The following CNOT1 variants were observed in gnomAD, a reference collection of about 807,000 sequenced individuals.
CNOT1 encodes CCR4-associated factor 1.
A neutral mutation model predicts 273.8 loss-of-function variants in CNOT1; 15 were observed. That is an observed-to-expected ratio of 0.05 (90% CI 0.04 to 0.08). The LOEUF is 0.08. Among genes scored for constraint, CNOT1 ranks in the 10% least tolerant of loss-of-function variants. CNOT1 has a pLI of 1.00. For missense variants in CNOT1, 1,644 were observed against 2,912.2 expected, an observed-to-expected ratio of 0.56 and a Z score of 10.02; for synonymous variants, 1,022 against 1,005.5, an observed-to-expected ratio of 1.02 and a Z score of -0.31.
intron 16 of CNOT1, among the ~76,000 whole-genome samples, chr16:58,570,807 G>GCAAC (rs2041244361): frequency 6.6e-6 from 1 of 151,918 alleles, no homozygotes; most frequent in South Asian, 2.1e-4. Context: ...AATACCCAAG[G>GCAAC]CAACCACTAA....
chr16:58,523,722 A>C (rs2039485487), intron 46 of CNOT1: 6 of 416,416 alleles, frequency 1.4e-5, no homozygotes, highest in Admixed American at 7.5e-5. Context: ...ATTTTTAAAA[A>C]CAGACCCACT....
At chr16:58,576,672 G>A (rs2041466988) in intron 13 of CNOT1, 90 bp from the exon 14 acceptor site, 7 of 1,553,284 alleles carry the variant, frequency 4.5e-6, no homozygotes, top group Non-Finnish European at 3.5e-6. Flanking sequence ...GCTAGAACTT[G>A]TATAAAAATC....
At position 58,551,648 on chromosome 16, in the gene CNOT1, C is replaced by A; in HGVS notation, c.3142G>T (p.Val1048Phe). ...TMVTTSTTTTVAKTVTVTRPT... is the reference protein window; with the variant it reads ...TMVTTSTTTTFAKTVTVTRPT... Reference sequence around the variant, plus strand: ...CTGGTGACCGTAACCGTTTTAGCAACAGTGGTAGTTGTTGAGGTGGTTACC... The same window carrying A: ...CTGGTGACCGTAACCGTTTTAGCAAAAGTGGTAGTTGTTGAGGTGGTTACC... Residue 1048 changes from valine to phenylalanine, a missense_variant, in exon 23 of 49, where the codon GTT (valine) becomes TTT (phenylalanine). Val to Phe is a conservative substitution (Grantham distance 50). Transcript: ENST00000317147. The A allele has an allele frequency of 3.1e-6, 5 of 1,614,164 alleles. No homozygotes were observed. Among genetic ancestry groups the A allele is most frequent in the Non-Finnish European group, 4.2e-6 (5 of 1,180,028 alleles).
chr16:58,602,563 A>AAAC (rs1567437560), intron 1 of CNOT1, among the ~76,000 whole-genome samples: 3 of 128,268 alleles, frequency 2.3e-5, no homozygotes, highest in African/African-American at 5.2e-5. Flanking sequence ...CAAAAAAAAA[A>AAAC]AAAAAAAAAA....
At chr16:58,621,681 G>A (rs77636277) in intron 1 of CNOT1, among the ~76,000 whole-genome samples, 33,899 of 149,312 alleles carry the variant, frequency 0.23, 4,076 homozygotes, top group African/African-American at 0.33. Flanking sequence ...CACTTTGGGA[G>A]GCCGAGGCGG....
At chr16:58,574,209 G>C (rs2041384310) in intron 16 of CNOT1, among the ~76,000 whole-genome samples, 1 of 151,986 alleles carries the variant, frequency 6.6e-6, no homozygotes, top group Admixed American at 6.6e-5. Context: ...ACAGGAGTTT[G>C]AGGTTGCAGT....
rs1231308914 is a variant in CNOT1, at chr16:58,543,648, T to C, written c.4393A>G (p.Ile1465Val). The part of the protein sequence containing the change: ...ITCREPLLMS[I>V]STNLKNSFAS... The stretch of plus-strand genomic sequence containing the variant: ...AAACTGTTTTTTAAGTTGGTAGATA[T>C]GCTCATGAGCAAAGGTTCCCTGCAT... Residue 1465 changes from isoleucine to valine, a missense_variant, in exon 31 of 49, where the codon ATA becomes GTA. Around this residue, in one of 13 missense-constraint regions of CNOT1, gnomAD observed 133 missense variants for 230.4 expected, o/e 0.58. Coordinates refer to ENST00000317147, the MANE Select transcript of CNOT1 (RefSeq NM_016284.5). The C allele has an allele frequency of 1.9e-6, 3 of 1,614,210 alleles. No homozygotes were observed. The highest frequency in any genetic ancestry group is 2.5e-6 in the Non-Finnish European group (3 of 1,180,032).
At chr16:58,599,021 A>T in intron 2 of CNOT1, 2 of 402,774 alleles carry the variant, frequency 5.0e-6, no homozygotes, top group Non-Finnish European at 8.8e-6. Context: ...ACTGCACTCC[A>T]GCCTGGACGA....
rs1334762052 is a variant in CNOT1 at position 58,528,616 on chromosome 16, A to G, written c.6312T>C (p.His2104=). The G allele has an allele frequency of 1.9e-6, 3 of 1,613,774 alleles. No individual in the cohort carries two copies. The highest frequency in any genetic ancestry group is 2.5e-6 in the Non-Finnish European group (3 of 1,179,874). ...GTLRVLLVLL[H]DFPEFLCDYH... is the part of the protein sequence containing the mutation. Reference sequence around the variant, plus strand: ...AATCACAAAGGAACTCTGGGAAATCATGCAAAAGAACCAGCAGCACTCTTA... The same window carrying G: ...AATCACAAAGGAACTCTGGGAAATCGTGCAAAAGAACCAGCAGCACTCTTA... Residue 2104 remains histidine (H), a synonymous_variant, in exon 44 of 49, where the codon CAT becomes CAC. Transcript: ENST00000317147.
chr16:58,591,415 T>A (rs1191812405), intron 2 of CNOT1, among the ~76,000 whole-genome samples: 1 of 152,182 alleles, frequency 6.6e-6, no homozygotes, highest in East Asian at 1.9e-4. Context: ...GATTATACAA[T>A]AAAAACCTGC....
At chr16:58,619,131 G>T (rs1269172582) in intron 1 of CNOT1, among the ~76,000 whole-genome samples, 2 of 151,944 alleles carry the variant, frequency 1.3e-5, no homozygotes, top group Non-Finnish European at 1.5e-5. Context: ...AACTCAGGAG[G>T]TCATGGTTGC....
chr16:58,600,680 C>A (rs1287634914), intron 1 of CNOT1, among the ~76,000 whole-genome samples: 1 of 152,168 alleles, frequency 6.6e-6, no homozygotes, highest in Non-Finnish European at 1.5e-5. Flanking sequence ...TCCTGCATTG[C>A]TGAAACTGTT....
intron 8 of CNOT1, 107 bp downstream of exon 8, chr16:58,585,231 G>T: frequency 6.7e-7 from 1 of 1,500,550 alleles, no homozygotes; most frequent in South Asian, 1.2e-5. Flanking sequence ...CATGCCTCTT[G>T]AGAAGAAAAG....
In CNOT1 at chr16:58,520,862, A is replaced by T. The variant is rs930909837; in HGVS notation, c.*96T>A. ...GATACCCACAAACCAAAGGGCTGGG[A>T]AAGTCAGGAAGAGCTGAAAGGATTC... On this transcript the variant is annotated 3_prime_UTR_variant, in exon 49 of 49. Coordinates refer to ENST00000317147, the MANE Select transcript of CNOT1 (RefSeq NM_016284.5). The T allele has an allele frequency of 7.7e-7, 1 of 1,291,936 alleles. No individual in the cohort carries two copies. Among genetic ancestry groups the T allele is most frequent in the Non-Finnish European group, 1.1e-6 (1 of 904,232 alleles). The allele number at this position is 1,291,936 out of a possible 1,614,324, so 80.0% of individuals were successfully genotyped here.
chr16:58,526,277 TAATC>T, intron 44 of CNOT1, 139 bp from the exon 45 acceptor site: 1 of 763,264 alleles, frequency 1.3e-6, no homozygotes, highest in Non-Finnish European at 2.0e-6. Flanking sequence ...CACATTTTAT[TAATC>T]AGTCTTTCTT....
At chr16:58,548,949 A>T (rs918289189) in intron 25 of CNOT1, among the ~76,000 whole-genome samples, 1 of 152,194 alleles carries the variant, frequency 6.6e-6, no homozygotes, top group Non-Finnish European at 1.5e-5. Context: ...CAGCAATACA[A>T]ATACATACAA....
chr16:58,583,317 C>T (rs1047526981), intron 8 of CNOT1, 135 bp from the exon 9 acceptor site: 164 of 1,457,212 alleles, frequency 1.1e-4, no homozygotes, highest in Non-Finnish European at 1.4e-4. Context: ...AGTGTTATTT[C>T]TTGTTACATT....
intron 1 of CNOT1, among the ~76,000 whole-genome samples, chr16:58,609,889 A>G (rs887651885): frequency 6.6e-6 from 1 of 150,774 alleles, no homozygotes; most frequent in Admixed American, 6.6e-5. Context: ...TAACATATAT[A>G]ATAATACATT....
chr16:58,534,902 C>G (rs549771433), intron 39 of CNOT1, among the ~76,000 whole-genome samples: 1 of 152,054 alleles, frequency 6.6e-6, no homozygotes, highest in East Asian at 1.9e-4. Flanking sequence ...ATTTGTACAA[C>G]AGGTAAGTAC....
Sources: gnomAD v4.1 joint callset for allele counts (sites outside exome capture counted in the v4.1 genomes callset) on GRCh38, gnomAD v4.1.1 for gene constraint, gnomAD v4.1.1 regional missense constraint, MANE v1.5 for transcripts, NCBI Gene and HGNC (gene_info 2026-07-23, HGNC 2026-07-21) for gene names.